Variants in FIP1L1 observed in about 807,000 individuals in gnomAD.
The protein encoded by FIP1L1 is pre-mRNA 3'-end-processing factor FIP1.
Under a neutral mutation model 84.6 loss-of-function variants are expected in FIP1L1, and 21 were observed. That is an observed-to-expected ratio of 0.25 (90% CI 0.18 to 0.36). FIP1L1 has a LOEUF of 0.36. Ranked by LOEUF, FIP1L1 falls within the 10% of genes least tolerant of loss-of-function variation. The probability of loss-of-function intolerance (pLI) is 1.00; values close to 1 mark genes in which losing one functional copy is unlikely to be tolerated. For missense variants in FIP1L1, 526 were observed against 751.1 expected (o/e 0.70, Z 3.50); for synonymous variants, 263 against 242.3 (o/e 1.09, Z -0.80).
chr4:53,444,834 A>G (rs1057289768), intron 15 of FIP1L1, among the ~76,000 whole-genome samples: 1 of 152,100 alleles, frequency 6.6e-6, no homozygotes, highest in South Asian at 2.1e-4. Context: ...AGCCTCCCAA[A>G]GTGCTGGGAT....
rs769181910 is a variant in FIP1L1 at position 53,459,888 on chromosome 4, G to C, written c.*439G>C. 1 of 232,166 alleles carries C rather than the reference G, an allele frequency of 4.3e-6. No homozygotes were observed. Among genetic ancestry groups the C allele is most frequent in the Non-Finnish European group, 8.5e-6 (1 of 117,490 alleles). 14.4% of individuals were successfully genotyped at this position (232,166 alleles called of 1,614,324 possible). A position where few individuals can be genotyped will look rare whatever the true frequency, so the allele number is the denominator to read the frequency against. On this transcript the variant is annotated 3_prime_UTR_variant, in exon 18 of 18. Coordinates refer to ENST00000337488, the MANE Select transcript of FIP1L1 (RefSeq NM_030917.4). ...AAAACTAGTCTTTATCATTACTGCTGTGACACTCTTGCTTAGTATATTAAG... is the reference window on the plus strand; with the variant it reads ...AAAACTAGTCTTTATCATTACTGCTCTGACACTCTTGCTTAGTATATTAAG...
chr4:53,410,655 A>G (rs533890363), intron 10 of FIP1L1, among the ~76,000 whole-genome samples: 1 of 152,280 alleles, frequency 6.6e-6, no homozygotes, highest in African/African-American at 2.4e-5. Flanking sequence ...CAGAAAAAAT[A>G]AAGAAATAAA....
chr4:53,379,985 A>G lies in FIP1L1; in HGVS notation c.170+721A>G, dbSNP rs567042137. Among the ~76,000 whole-genome samples the G allele has an allele frequency of 1.5e-4, 23 of 152,326 alleles. No individual in the cohort carries two copies. The East Asian group carries it at 1.9e-3, about 13-fold the overall frequency. On this transcript the variant is annotated intron_variant, in intron 3 of 17. Transcript: ENST00000337488. ...ACAACTTCATACCGAGTAAGCTGCA[A>G]TCGAAAAGATAAAACAGGTGTTAGT...
chr4:53,400,164 A>G (rs1224720160), intron 10 of FIP1L1, among the ~76,000 whole-genome samples: 2 of 152,170 alleles, frequency 1.3e-5, no homozygotes, highest in Admixed American at 1.3e-4. Flanking sequence ...TGTGCTCCCT[A>G]TTCTTACATA....
intron 4 of FIP1L1, among the ~76,000 whole-genome samples, chr4:53,382,835 A>G (rs1475534716): frequency 6.6e-6 from 1 of 152,200 alleles, no homozygotes; most frequent in African/African-American, 2.4e-5. Context: ...GTATACAAAA[A>G]AGTATTTTGC....
chr4:53,383,934 G>C, intron 5 of FIP1L1, 58 bp downstream of exon 5: 2 of 1,484,136 alleles, frequency 1.3e-6, no homozygotes, highest in South Asian at 2.6e-5. Flanking sequence ...AGGAGAGTGT[G>C]CCTATATCAA....
chr4:53,425,356 G>A (rs185792778), intron 11 of FIP1L1, among the ~76,000 whole-genome samples: 1 of 152,190 alleles, frequency 6.6e-6, no homozygotes, highest in East Asian at 1.9e-4. Context: ...CTAAATGCAA[G>A]TTATCAGAAA....
intron 11 of FIP1L1, among the ~76,000 whole-genome samples, chr4:53,417,180 A>T (rs1759853239): frequency 6.6e-6 from 1 of 152,172 alleles, no homozygotes; most frequent in Admixed American, 6.5e-5. Flanking sequence ...AAAGAGACAC[A>T]TCTCAGTGCT....
chr4:53,451,260 C>T (rs1270831135), intron 15 of FIP1L1, among the ~76,000 whole-genome samples: 13 of 151,688 alleles, frequency 8.6e-5, no homozygotes, highest in East Asian at 3.9e-4. Context: ...CATGAACCAC[C>T]GCGCCCAGCC....
chr4:53,423,042 C>G (rs912441570), intron 11 of FIP1L1, among the ~76,000 whole-genome samples: 2 of 152,108 alleles, frequency 1.3e-5, no homozygotes, highest in Non-Finnish European at 2.9e-5. Flanking sequence ...TGTCTATCTT[C>G]TATTAGCCCT....
At chr4:53,434,960 A>G (rs1768443023) in intron 13 of FIP1L1, among the ~76,000 whole-genome samples, 1 of 152,182 alleles carries the variant, frequency 6.6e-6, no homozygotes. Flanking sequence ...GTTTATGACT[A>G]TAATGTTTAT....
intron 3 of FIP1L1, among the ~76,000 whole-genome samples, chr4:53,379,679 G>A (rs1247310194): frequency 6.6e-6 from 1 of 152,128 alleles, no homozygotes; most frequent in Non-Finnish European, 1.5e-5. Flanking sequence ...ATGGCAGTTT[G>A]GTTGTAATTT....
At chr4:53,411,240 T>C (rs895075596) in intron 10 of FIP1L1, among the ~76,000 whole-genome samples, 1 of 151,966 alleles carries the variant, frequency 6.6e-6, no homozygotes, top group African/African-American at 2.4e-5. Flanking sequence ...AGGGCAAATA[T>C]AGGTAAGGGA....
At chr4:53,444,423 C>T (rs1773318403) in intron 15 of FIP1L1, among the ~76,000 whole-genome samples, 1 of 152,182 alleles carries the variant, frequency 6.6e-6, no homozygotes, top group Non-Finnish European at 1.5e-5. Context: ...TCACTTATGG[C>T]ACACACCTAA....
intron 15 of FIP1L1, among the ~76,000 whole-genome samples, chr4:53,444,531 GGCCTT>G (rs139045452): frequency 2.8e-3 from 428 of 152,004 alleles, no homozygotes; most frequent in Non-Finnish European, 4.5e-3. Flanking sequence ...TCCATTCCAA[GGCCTT>G]CTGACCCCAT....
At chr4:53,433,290 C>T (rs1211291830) in intron 13 of FIP1L1, among the ~76,000 whole-genome samples, 1 of 152,158 alleles carries the variant, frequency 6.6e-6, no homozygotes, top group African/African-American at 2.4e-5. Flanking sequence ...AAACTCCTTC[C>T]CTCCTAAGGA....
chr4:53,400,172 A>G (rs911064663), intron 10 of FIP1L1, among the ~76,000 whole-genome samples: 5 of 152,196 alleles, frequency 3.3e-5, no homozygotes, highest in African/African-American at 7.2e-5. Context: ...CTATTCTTAC[A>G]TAAAGAATTA....
chr4:53,383,756 T>G lies in FIP1L1; in HGVS notation c.229-17T>G, dbSNP rs1739371891. On this transcript the variant is annotated splice_polypyrimidine_tract_variant and intron_variant, in intron 4 of 17. Transcript: ENST00000337488. ...GGATTACTGAATGTATTTTATAATT[T>G]GTTTATGTTCATGTAGAAAGTGACT... 3 of 1,586,880 alleles carry G rather than the reference T, an allele frequency of 1.9e-6. No homozygotes were observed. The African/African-American group carries it at 4.1e-5, about 22-fold the overall frequency.
intron 10 of FIP1L1, among the ~76,000 whole-genome samples, chr4:53,410,776 C>A (rs1756819319): frequency 6.6e-6 from 1 of 152,152 alleles, no homozygotes; most frequent in Admixed American, 6.5e-5. Context: ...CTTTTGCACT[C>A]ACCTAATTGT....
Sources: allele counts gnomAD v4.1 joint callset (sites outside exome capture counted in the v4.1 genomes callset), GRCh38; gene constraint gnomAD v4.1.1; transcripts MANE v1.5; gene names NCBI Gene and HGNC (gene_info 2026-07-23, HGNC 2026-07-21).